TAF1: variants seen among roughly 807,000 people sequenced by gnomAD.
The protein encoded by TAF1 is transcription initiation factor TFIID subunit 1.
A neutral mutation model predicts 138.5 loss-of-function variants in TAF1; 2 were observed. The ratio of observed to expected loss-of-function variants is 0.01; its 90% CI spans 0.01 to 0.05. TAF1 has a LOEUF of 0.05. Among genes scored for constraint, TAF1 ranks in the 10% least tolerant of loss-of-function variants. The pLI is 1.00. For missense variants in TAF1, 709 were observed against 1,478.0 expected (o/e 0.48, Z 8.53); for synonymous variants, 437 against 503.2 (o/e 0.87, Z 1.76).
intron 32 of TAF1, among the ~76,000 whole-genome samples, chrX:71,453,372 A>C (rs915241039): frequency 9.8e-6 from 1 of 102,125 alleles, no homozygotes; most frequent in Non-Finnish European, 2.0e-5. Context: ...CAGCCTGTGC[A>C]ACATAGTGAG....
intron 28 of TAF1, chrX:71,420,635 A>C (rs542443096): frequency 8.3e-7 from 1 of 1,203,789 alleles, no homozygotes; most frequent in South Asian, 1.8e-5. Flanking sequence ...TCGAGCTTTG[A>C]TAGCTTCCAG....
chrX:71,440,139 C>T (rs980655981), intron 32 of TAF1, among the ~76,000 whole-genome samples: 2 of 111,533 alleles, frequency 1.8e-5, no homozygotes, highest in Non-Finnish European at 1.9e-5. Context: ...TCCACTTATC[C>T]GTTCTCCATC....
intron 24 of TAF1, among the ~76,000 whole-genome samples, chrX:71,401,042 CA>C (rs1297322629): frequency 1.8e-5 from 2 of 112,350 alleles, no homozygotes; most frequent in Non-Finnish European, 3.8e-5. Context: ...TTGTCTCCTG[CA>C]TATTTAATAT....
At chrX:71,506,302 G>A (rs1265878395) in intron 13 of TAF1, among the ~76,000 whole-genome samples, 1 of 106,391 alleles carries the variant, frequency 9.4e-6, no homozygotes, top group African/African-American at 3.4e-5. Context: ...GAGGTGAGAG[G>A]GTTGCTTGAG....
At chrX:71,402,163 G>T (rs1471386671) in intron 25 of TAF1, among the ~76,000 whole-genome samples, 3 of 111,951 alleles carry the variant, frequency 2.7e-5, no homozygotes, top group Non-Finnish European at 5.6e-5. Flanking sequence ...CTGTTTTCCA[G>T]GCTGGAGTGC....
chrX:71,369,569 C>CTTGTTATG (rs750098910), intron 3 of TAF1, among the ~76,000 whole-genome samples: 2 of 108,437 alleles, frequency 1.8e-5, no homozygotes, highest in African/African-American at 6.7e-5. Context: ...TGTTTGAGCA[C>CTTGTTATG]TTGTTATGTA....
rs754482212 is a variant in TAF1, at chrX:71,497,804, C to T, written c.1367-30738C>T. 8.1e-5 allele frequency among the ~76,000 whole-genome samples: 9 copies of T among 111,283 alleles called. 1 individual carries two copies. The highest frequency in any genetic ancestry group is 1.7e-4 in the Non-Finnish European group (9 of 53,090). On this transcript the variant is annotated intron_variant and NMD_transcript_variant, in intron 13 of 14. Coordinates refer to the TAF1 transcript ENST00000373775. ...CTCCTTGATTAGAGTATAGAGTGGT[C>T]TGGCCATCTCGCTGTATCCAGGGAT...
chrX:71,513,823 C>G (rs763334479), intron 13 of TAF1, among the ~76,000 whole-genome samples: 1 of 111,401 alleles, frequency 9.0e-6, no homozygotes, highest in Non-Finnish European at 1.9e-5. Context: ...ACTCTTCTAT[C>G]TAGCTAAAGG....
In TAF1 at chrX:71,454,205, A is replaced by T; in HGVS notation, c.4789A>T (p.Ile1597Phe). 8.3e-7 allele frequency: 1 copy of T among 1,210,993 alleles called. No homozygotes were observed. Among genetic ancestry groups the T allele is most frequent in the Non-Finnish European group, 1.1e-6 (1 of 894,998 alleles). Residue 1597 changes from isoleucine to phenylalanine, a missense_variant, in exon 33 of 38, where the codon ATT becomes TTT. Around this residue, in one of 14 missense-constraint regions of TAF1, gnomAD observed 36 missense variants for 47.3 expected, o/e 0.76. Transcript: ENST00000423759. ...ESQYTKTAQE[I>F]VNVCYQTLTE... ...TCAGTATACTAAGACTGCCCAGGAG[A>T]TTGTGAACGTCTGTTACCAGACATT...
intron 28 of TAF1, among the ~76,000 whole-genome samples, chrX:71,409,534 G>A (rs745649092): frequency 1.8e-5 from 2 of 112,085 alleles, no homozygotes; most frequent in East Asian, 2.8e-4. Context: ...AGATATAAAT[G>A]TAGGGATTCG....
At chrX:71,512,540 C>T (rs1007120602) in intron 13 of TAF1, among the ~76,000 whole-genome samples, 4 of 110,956 alleles carry the variant, frequency 3.6e-5, no homozygotes, top group African/African-American at 6.6e-5. Context: ...ATAGGCCAGG[C>T]GCGGTGGCTC....
intron 13 of TAF1, among the ~76,000 whole-genome samples, chrX:71,517,378 A>G (rs751761288): frequency 8.0e-5 from 9 of 112,453 alleles, no homozygotes; most frequent in African/African-American, 2.9e-4. Context: ...GCTTGAGGTG[A>G]CAAATACCCC....
intron 33 of TAF1, 144 bp from the exon 34 acceptor site, chrX:71,454,597 C>T: frequency 1.9e-6 from 1 of 518,353 alleles, no homozygotes; most frequent in Non-Finnish European, 3.1e-6. Flanking sequence ...GTTTCCTTCC[C>T]TGCTTAATTT....
chrX:71,401,429 T>C lies in TAF1; in HGVS notation c.3787-99T>C, dbSNP rs1217293035. 5.9e-6 allele frequency: 6 copies of C among 1,021,101 alleles called. No homozygotes were observed. The East Asian group carries it at 1.9e-4, about 32-fold the overall frequency. The allele number at this position is 1,021,101 out of a possible 1,213,427, so 84.2% of individuals were successfully genotyped here. On this transcript the variant is annotated intron_variant, in intron 24 of 37. Transcript: ENST00000423759. Reference sequence around the variant, plus strand: ...CTTGGGGGTCCTGGAACCAATCCCCTGCATATACTGAGGGATGACTTTATT... The same window carrying C: ...CTTGGGGGTCCTGGAACCAATCCCCCGCATATACTGAGGGATGACTTTATT...
rs2148328843 is a variant in TAF1, at chrX:71,387,551, C to T, written c.2427+90C>T. 1.3e-5 allele frequency: 14 copies of T among 1,068,641 alleles called. No individual in the cohort carries two copies. The South Asian group carries it at 2.7e-4, about 20-fold the overall frequency. The allele number at this position is 1,068,641 out of a possible 1,213,427, so 88.1% of individuals were successfully genotyped here. On this transcript the variant is annotated intron_variant, in intron 15 of 37. Coordinates refer to ENST00000423759, the MANE Select transcript of TAF1 (RefSeq NM_004606.5). The stretch of plus-strand genomic sequence containing the variant: ...TGGCGGCTCATGGCTGTAATCCCAG[C>T]ACTTTGGGAGGCCGCGGTGAATGGA...
chrX:71,424,299 A>T lies in TAF1; in HGVS notation c.4753+61A>T, dbSNP rs941117903. ...GTCCATCTTCTATCCATCTAACATT[A>T]CTTAGCATTATTAAAAAATTTTTTT... On this transcript the variant is annotated intron_variant, in intron 32 of 37. Coordinates refer to ENST00000423759, the MANE Select transcript of TAF1 (RefSeq NM_004606.5). The T allele has an allele frequency of 4.9e-6, 5 of 1,028,658 alleles. No individual in the cohort carries two copies. In the African/African-American group the frequency reaches 9.7e-5, roughly 20 times the overall value. The allele number at this position is 1,028,658 out of a possible 1,213,427, so 84.8% of individuals were successfully genotyped here.
In TAF1 at chrX:71,387,380, G is replaced by A; in HGVS notation, c.2346G>A (p.Val782=). ...TTCGGGAATTAGTGGATATTTTTGTGGTTGGCCAGCAGTGTCCCTTGTTTG... is the reference window on the plus strand; with the variant it reads ...TTCGGGAATTAGTGGATATTTTTGTAGTTGGCCAGCAGTGTCCCTTGTTTG... ...YYIRELVDIF[V]VGQQCPLFEV... is the part of the protein sequence containing the mutation. The change falls in exon 15 of 38, where the codon GTG becomes GTA. Residue 782 remains valine (V), a synonymous_variant. Transcript: ENST00000423759. The A allele has an allele frequency of 8.3e-7, 1 of 1,212,075 alleles. No homozygotes were observed. Among genetic ancestry groups the A allele is most frequent in the Non-Finnish European group, 1.1e-6 (1 of 895,623 alleles).
chrX:71,389,895 T>C, intron 18 of TAF1: 2 of 259,900 alleles, frequency 7.7e-6, no homozygotes, highest in Admixed American at 6.9e-5. Context: ...AGAATCTTGC[T>C]CTGTCACCCA....
chrX:71,491,395 G>A (rs1452283954), intron 13 of TAF1, among the ~76,000 whole-genome samples: 1 of 110,886 alleles, frequency 9.0e-6, no homozygotes, highest in Non-Finnish European at 1.9e-5. Flanking sequence ...ACAGGTTCAG[G>A]TGTGTGTGGA....
Sources: gnomAD v4.1 joint callset for allele counts (sites outside exome capture counted in the v4.1 genomes callset) on GRCh38, gnomAD v4.1.1 for gene constraint, gnomAD v4.1.1 regional missense constraint, MANE v1.5 for transcripts, NCBI Gene and HGNC (gene_info 2026-07-23, HGNC 2026-07-21) for gene names.